The following CKMT2 variants were observed in gnomAD, a reference collection of about 807,000 sequenced individuals.
CKMT2 encodes the protein creatine kinase S-type, mitochondrial.
In CKMT2, 43 loss-of-function variants were observed where a neutral mutation model predicts 48.9. The ratio of observed to expected loss-of-function variants is 0.88; its 90% CI spans 0.69 to 1.13. The LOEUF is 1.13. Among genes scored for constraint, CKMT2 ranks in the 50% most tolerant of loss-of-function variants. The probability of loss-of-function intolerance (pLI) is 0.00; values close to 1 mark genes in which losing one functional copy is unlikely to be tolerated. For synonymous variants in CKMT2, 206 were observed against 213.0 expected, an observed-to-expected ratio of 0.97 and a Z score of 0.29; for missense variants, 472 against 555.4, an observed-to-expected ratio of 0.85 and a Z score of 1.51.
At position 81,251,207 on chromosome 5, in the gene CKMT2, C is replaced by T. The variant is rs762822517; in HGVS notation, c.75C>T (p.Val25=). 1.2e-6 allele frequency: 2 copies of T among 1,614,156 alleles called. No homozygotes were observed. Among genetic ancestry groups the T allele is most frequent in the South Asian group, 2.2e-5 (2 of 91,080 alleles). ...TGTTTGCTACCATGGGCACCAGTGT[C>T]CTGACCACCGGGTACCTGCTGAACC... is the stretch of plus-strand genomic sequence containing the variant. The part of the protein sequence containing the change: ...SLLFATMGTS[V]LTTGYLLNRQ... Residue 25 remains valine (V), a synonymous_variant, in exon 2 of 10, where the codon GTC becomes GTT. Coordinates refer to ENST00000254035, the MANE Select transcript of CKMT2 (RefSeq NM_001099735.2).
intron 8 of CKMT2, among the ~76,000 whole-genome samples, chr5:81,260,051 CAAGATT>C (rs944645108): frequency 1.5e-4 from 23 of 152,290 alleles, no homozygotes; most frequent in African/African-American, 4.8e-4. Context: ...AATTAGAACT[CAAGATT>C]AAGAAACTCA....
In CKMT2 at chr5:81,235,029, C is replaced by T. The variant is rs879560527; in HGVS notation, c.-21+1652C>T. On this transcript the variant is annotated intron_variant, in intron 1 of 9. Transcript: ENST00000254035. ...AGCCTCAGAGACTCCCTCCCTTGGG[C>T]GGGGAAGAAGGCAGCCCACTTCACA... Among the ~76,000 whole-genome samples the T allele has an allele frequency of 1.2e-4, 18 of 152,214 alleles. No individual in the cohort carries two copies. In the South Asian group the frequency reaches 2.3e-3, roughly 19 times the overall value.
At chr5:81,256,609 G>A (rs569830242) in intron 5 of CKMT2, among the ~76,000 whole-genome samples, 111 of 152,258 alleles carry the variant, frequency 7.3e-4, no homozygotes, top group Middle Eastern at 3.4e-3. Flanking sequence ...GTGTATACCC[G>A]CTCCACAGTG....
intron 1 of CKMT2, chr5:81,250,603 T>TCC (rs1756770984): frequency 6.6e-6 from 1 of 152,258 alleles, no homozygotes; most frequent in Non-Finnish European, 1.5e-5. Flanking sequence ...CTTTCAAAGG[T>TCC]CCTACTTCAA....
chr5:81,241,122 G>A (rs1214923931), intron 1 of CKMT2, among the ~76,000 whole-genome samples: 1 of 152,170 alleles, frequency 6.6e-6, no homozygotes, highest in African/African-American at 2.4e-5. Context: ...AGTAAAGGAT[G>A]GACCCAGTGA....
intron 7 of CKMT2, 76 bp from the exon 8 acceptor site, chr5:81,259,044 C>G: frequency 7.0e-7 from 1 of 1,432,556 alleles, no homozygotes; most frequent in Non-Finnish European, 9.6e-7. Context: ...ACATCTCTCT[C>G]TCTGGTGTTA....
intron 7 of CKMT2, among the ~76,000 whole-genome samples, chr5:81,258,369 G>GT (rs928516487): frequency 2.0e-5 from 3 of 152,176 alleles, no homozygotes; most frequent in African/African-American, 7.2e-5. Flanking sequence ...ATCATTACTT[G>GT]TTTTTTGATT....
At chr5:81,252,621 C>A in intron 2 of CKMT2, 74 bp from the exon 3 acceptor site, 1 of 1,492,008 alleles carries the variant, frequency 6.7e-7, no homozygotes, top group Non-Finnish European at 9.3e-7. Flanking sequence ...GAAGGATGGG[C>A]AAACAACAAG....
chr5:81,236,857 A>C (rs539109387), intron 1 of CKMT2, among the ~76,000 whole-genome samples: 46 of 152,326 alleles, frequency 3.0e-4, no homozygotes, highest in African/African-American at 1.1e-3. Flanking sequence ...TAGAAAATAC[A>C]AATTAAAAGA....
At position 81,234,279 on chromosome 5, in the gene CKMT2, C is replaced by T. The variant is rs554705554; in HGVS notation, c.-21+902C>T. On this transcript the variant is annotated intron_variant, in intron 1 of 9. Coordinates refer to ENST00000254035, the MANE Select transcript of CKMT2 (RefSeq NM_001099735.2). The stretch of plus-strand genomic sequence containing the variant: ...ACCTTCCAGAAAGTGTTGCCAGGCT[C>T]GTGACCCCTCACAGTGTCAGCTGAG... Among the ~76,000 whole-genome samples, 11 of 152,278 alleles carry T rather than the reference C, an allele frequency of 7.2e-5. No individual in the cohort carries two copies. The South Asian group carries it at 1.7e-3, about 23-fold the overall frequency.
chr5:81,252,955 C>T (rs1217285653), intron 3 of CKMT2, 62 bp downstream of exon 3: 2 of 1,579,260 alleles, frequency 1.3e-6, no homozygotes. Flanking sequence ...CTGACTTGCA[C>T]AGTCCTGGGG....
chr5:81,240,232 T>TGTGTC (rs1756390160), intron 1 of CKMT2, among the ~76,000 whole-genome samples: 2 of 152,046 alleles, frequency 1.3e-5, no homozygotes, highest in Non-Finnish European at 1.5e-5. Flanking sequence ...CTGCCTGGAG[T>TGTGTC]GACACCTGTG....
rs559048423 is a variant in CKMT2, at chr5:81,238,774, A to AT, written c.-21+5403dup. 4 of 152,344 alleles carry AT rather than the reference A, an allele frequency of 2.6e-5. No homozygotes were observed. In the South Asian group the frequency reaches 8.3e-4, roughly 32 times the overall value. The allele number at this position is 152,344 out of a possible 1,614,324, so 9.4% of individuals were successfully genotyped here. A position where few individuals can be genotyped will look rare whatever the true frequency, so the allele number is the denominator to read the frequency against. The stretch of plus-strand genomic sequence containing the variant: ...GCAAGGTGAAGTGATAGCCCCGAAG[A>AT]TTTTTTACCTCTTCTAGAAAGCCCT... On this transcript the variant is annotated intron_variant, in intron 1 of 9. Transcript: ENST00000254035.
chr5:81,265,810 A>G (rs1429817251), intron 9 of CKMT2, among the ~76,000 whole-genome samples: 1 of 152,230 alleles, frequency 6.6e-6, no homozygotes, highest in African/African-American at 2.4e-5. Context: ...TCCAGGCCAA[A>G]GAATAACACG....
At chr5:81,249,709 G>A (rs1756738652) in intron 1 of CKMT2, among the ~76,000 whole-genome samples, 1 of 152,128 alleles carries the variant, frequency 6.6e-6, no homozygotes, top group African/African-American at 2.4e-5. Context: ...ATATAGCTTA[G>A]TAATTCCTTT....
At chr5:81,248,933 A>T (rs1296610171) in intron 1 of CKMT2, among the ~76,000 whole-genome samples, 1 of 152,182 alleles carries the variant, frequency 6.6e-6, no homozygotes, top group Non-Finnish European at 1.5e-5. Flanking sequence ...TGGATGGCCC[A>T]GGTTTTCAGC....
At chr5:81,240,430 C>T (rs1406564184) in intron 1 of CKMT2, among the ~76,000 whole-genome samples, 1 of 152,304 alleles carries the variant, frequency 6.6e-6, no homozygotes, top group Admixed American at 6.5e-5. Context: ...TGGGGGCACA[C>T]GGCATCCACA....
At position 81,257,769 on chromosome 5, in the gene CKMT2, T is replaced by C. The variant is rs1371224058; in HGVS notation, c.792T>C (p.Asn264=). The part of the protein sequence containing the change: ...NYDKTFLIWI[N]EEDHTRVISM... ...ATAAGACATTTCTCATCTGGATAAA[T>C]GAGGAGGATCACACCAGGGTAATCT... Residue 264 remains asparagine, a synonymous_variant, in exon 7 of 10, where the codon AAT becomes AAC. Transcript: ENST00000254035. The C allele has an allele frequency of 9.3e-6, 15 of 1,612,566 alleles. No individual in the cohort carries two copies. Among genetic ancestry groups the C allele is most frequent in the Non-Finnish European group, 1.3e-5 (15 of 1,178,762 alleles).
chr5:81,243,726 A>C (rs1453074362), intron 1 of CKMT2, among the ~76,000 whole-genome samples: 1 of 151,674 alleles, frequency 6.6e-6, no homozygotes, highest in Non-Finnish European at 1.5e-5. Context: ...AGTCTCTATC[A>C]CCCAGGCTGC....
Sources: gnomAD v4.1 joint callset for allele counts (sites outside exome capture counted in the v4.1 genomes callset) on GRCh38, gnomAD v4.1.1 for gene constraint, MANE v1.5 for transcripts, NCBI Gene and HGNC (gene_info 2026-07-23, HGNC 2026-07-21) for gene names.